The following SLC31A2 variants were observed in gnomAD, a reference collection of about 807,000 sequenced individuals.
SLC31A2 encodes the protein protein SLC31A2.
SLC31A2 carries 16 observed loss-of-function variants against 14.4 expected under a neutral mutation model. The ratio of observed to expected loss-of-function variants is 1.11; its 90% confidence interval spans 0.75 to 1.69. The LOEUF (loss-of-function observed/expected upper bound fraction) is 1.69. Ranked by LOEUF, SLC31A2 falls within the 40% of genes most tolerant of loss-of-function variation. The probability of loss-of-function intolerance (pLI) is 0.00; values close to 1 mark genes in which losing one functional copy is unlikely to be tolerated. For missense variants in SLC31A2, 140 were observed against 173.9 expected, an observed-to-expected ratio of 0.81 and a Z score of 1.10; for synonymous variants, 56 against 68.7, an observed-to-expected ratio of 0.82 and a Z score of 0.91.
intron 1 of SLC31A2, among the ~76,000 whole-genome samples, chr9:113,155,077 G>A (rs1463923060): frequency 3.9e-5 from 6 of 152,128 alleles, no homozygotes; most frequent in Non-Finnish European, 5.9e-5. Flanking sequence ...TAAAACAACC[G>A]AACGACAGCA....
intron 1 of SLC31A2, among the ~76,000 whole-genome samples, chr9:113,155,059 T>G (rs748754121): frequency 1.2e-4 from 18 of 152,256 alleles, no homozygotes; most frequent in Non-Finnish European, 1.9e-4. Context: ...CATATCTTCC[T>G]GAAATGTTAA....
intron 2 of SLC31A2, among the ~76,000 whole-genome samples, chr9:113,158,599 T>C (rs1829964948): frequency 1.3e-5 from 2 of 152,192 alleles, no homozygotes; most frequent in South Asian, 4.1e-4. Context: ...TGATACTGGT[T>C]GTTAGCTAGG....
intron 1 of SLC31A2, among the ~76,000 whole-genome samples, chr9:113,156,519 C>A (rs899176677): frequency 4.6e-5 from 7 of 152,186 alleles, no homozygotes; most frequent in Admixed American, 4.6e-4. Flanking sequence ...TCTGAGGATA[C>A]CTCTAGTGCT....
chr9:113,162,900 C>T lies in SLC31A2; in HGVS notation c.415C>T (p.Leu139Phe). The change falls in exon 4 of 4, where the codon CTT becomes TTT. Residue 139 changes from leucine to phenylalanine, a missense_variant. Physicochemically the swap from Leu to Phe is conservative, Grantham distance 22. Coordinates refer to ENST00000259392, the MANE Select transcript of SLC31A2 (RefSeq NM_001860.3). ...TGTGGGCTACTACCTAGCTTACCCA[C>T]TTCTCAGCACAGCTTAGCTGGTGAG... ...SAVGYYLAYP[L>F]LSTA The T allele has an allele frequency of 6.2e-7, 1 of 1,610,490 alleles. No individual in the cohort carries two copies.
rs780032155 is a variant in SLC31A2, at chr9:113,162,741, T to A, written c.264-8T>A. The stretch of plus-strand genomic sequence containing the variant: ...ACCAGGATTAACTTGCTTCTCCTTT[T>A]TATCTAGGTGGTATTTGTGTCACTT... On this transcript the variant is annotated splice_region_variant and splice_polypyrimidine_tract_variant and intron_variant, in intron 3 of 3. Coordinates refer to ENST00000259392, the MANE Select transcript of SLC31A2 (RefSeq NM_001860.3). The A allele has an allele frequency of 8.1e-6, 13 of 1,607,650 alleles. No individual in the cohort carries two copies. The highest frequency in any genetic ancestry group is 1.1e-5 in the Non-Finnish European group (13 of 1,176,476).
intron 1 of SLC31A2, chr9:113,155,859 C>T: frequency 3.2e-6 from 1 of 315,722 alleles, no homozygotes; most frequent in South Asian, 2.6e-5. Flanking sequence ...CCCCCAGCTC[C>T]CCTCGGAGGA....
intron 2 of SLC31A2, among the ~76,000 whole-genome samples, chr9:113,160,080 G>T (rs909112508): frequency 6.6e-6 from 1 of 152,144 alleles, no homozygotes; most frequent in African/African-American, 2.4e-5. Context: ...GGGAGGCTGA[G>T]GCAAGATAAT....
Position 113,162,841 on chromosome 9 carries a change from C to T in SLC31A2, c.356C>T (p.Thr119Ile). ...ATGCTGGCCGTAATGTCCTACAACACCTGGATTTTCCTTGGTGTGGTCTTG... is the reference window on the plus strand; with the variant it reads ...ATGCTGGCCGTAATGTCCTACAACATCTGGATTTTCCTTGGTGTGGTCTTG... ...FIMLAVMSYN[T>I]WIFLGVVLGS... Residue 119 changes from threonine (T) to isoleucine (I), a missense_variant, in exon 4 of 4, where the codon ACC (threonine) becomes ATC (isoleucine). By Grantham distance (89) the Thr-to-Ile change is moderately conservative. Transcript: ENST00000259392. 1 of 1,613,744 alleles carries T rather than the reference C, an allele frequency of 6.2e-7. No individual in the cohort carries two copies. The highest frequency in any genetic ancestry group is 8.5e-7 in the Non-Finnish European group (1 of 1,179,838).
At position 113,151,266 on chromosome 9, in the gene SLC31A2, G is replaced by A. The variant is rs76861708; in HGVS notation, c.6+186G>A. 0.068 allele frequency among the ~76,000 whole-genome samples: 10,418 copies of A among 152,118 alleles called. 591 individuals carry two copies. The highest frequency in any genetic ancestry group is 0.25 in the East Asian group (1,270 of 5,114). On this transcript the variant is annotated intron_variant, in intron 1 of 3. Transcript: ENST00000259392. The surrounding 1 kb of genome is among the most constrained non-coding windows in gnomAD (Gnocchi z 4.2). ...AGGTATAGGTTGCGGTGGCTCTGTGGTTTTCCTCTTTATTTGTCCCTCCTG... is the reference window on the plus strand; with the variant it reads ...AGGTATAGGTTGCGGTGGCTCTGTGATTTTCCTCTTTATTTGTCCCTCCTG...
At chr9:113,156,976 A>G (rs1429497046) in intron 1 of SLC31A2, among the ~76,000 whole-genome samples, 2 of 152,170 alleles carry the variant, frequency 1.3e-5, no homozygotes, top group Non-Finnish European at 2.9e-5. Context: ...AAATGGACCT[A>G]ATTGTCCCTG....
At position 113,163,464 on chromosome 9, in the gene SLC31A2, C is replaced by CT. The variant is rs1404874891; in HGVS notation, c.*548dup. ...CTCGTCTATGGATCATGTTGACAAA[C>CT]TAAGTTTTTTTTATTTTTCCCATTG... On this transcript the variant is annotated 3_prime_UTR_variant, in exon 4 of 4. Coordinates refer to ENST00000259392, the MANE Select transcript of SLC31A2 (RefSeq NM_001860.3). 1 of 152,612 alleles carries CT rather than the reference C, an allele frequency of 6.6e-6. No homozygotes were observed. The highest frequency in any genetic ancestry group is 1.5e-5 in the Non-Finnish European group (1 of 68,048). 9.5% of individuals were successfully genotyped at this position (152,612 alleles called of 1,614,324 possible). A position where few individuals can be genotyped will look rare whatever the true frequency, so the allele number is the denominator to read the frequency against.
chr9:113,152,988 T>C (rs1829887555), intron 1 of SLC31A2, among the ~76,000 whole-genome samples: 1 of 152,208 alleles, frequency 6.6e-6, no homozygotes, highest in Admixed American at 6.5e-5. Context: ...TACCTCTACC[T>C]GGCAGAGATG....
chr9:113,155,217 T>C (rs796172644), intron 1 of SLC31A2, among the ~76,000 whole-genome samples: 3 of 152,322 alleles, frequency 2.0e-5, no homozygotes, highest in African/African-American at 7.2e-5. Flanking sequence ...TGCCACCAAC[T>C]CACAGTGTGA....
At chr9:113,154,012 C>T (rs1043961283) in intron 1 of SLC31A2, among the ~76,000 whole-genome samples, 13 of 152,168 alleles carry the variant, frequency 8.5e-5, no homozygotes, top group Admixed American at 5.2e-4. Context: ...TACTCTATTA[C>T]TCAGGCTGGA....
chr9:113,152,244 G>A (rs1168088398), intron 1 of SLC31A2: 1 of 152,406 alleles, frequency 6.6e-6, no homozygotes, highest in Non-Finnish European at 1.5e-5. Context: ...AACTTTCAGA[G>A]GCCAAGATTC....
At chr9:113,154,591 G>A (rs1219482606) in intron 1 of SLC31A2, among the ~76,000 whole-genome samples, 1 of 152,192 alleles carries the variant, frequency 6.6e-6, no homozygotes, top group Non-Finnish European at 1.5e-5. Flanking sequence ...CTTTTAATAA[G>A]GCCCTGGAGT....
intron 1 of SLC31A2, among the ~76,000 whole-genome samples, chr9:113,153,119 G>GT (rs10700218): frequency 0.13 from 18,212 of 142,656 alleles, 1,837 homozygotes; most frequent in African/African-American, 0.28. Flanking sequence ...GTGTCAAAAT[G>GT]TTTTTTTTTT....
intron 1 of SLC31A2, chr9:113,152,297 A>G (rs1349396484): frequency 1.3e-5 from 2 of 152,284 alleles, no homozygotes; most frequent in African/African-American, 4.8e-5. Flanking sequence ...CCCCTTGCCT[A>G]TCTGACCACA....
At chr9:113,156,288 T>C in intron 1 of SLC31A2, 1 of 411,612 alleles carries the variant, frequency 2.4e-6, no homozygotes, top group East Asian at 5.8e-5. Context: ...GCAAATCCTT[T>C]TCCCTCTTCA....
Sources: allele counts gnomAD v4.1 joint callset (sites outside exome capture counted in the v4.1 genomes callset), GRCh38; gene constraint gnomAD v4.1.1; non-coding constraint Gnocchi (gnomAD v3.1); transcripts MANE v1.5; gene names NCBI Gene and HGNC (gene_info 2026-07-23, HGNC 2026-07-21).